B4GALNT3: variants seen among roughly 807,000 people sequenced by gnomAD.
B4GALNT3 encodes beta-1,4-N-acetylgalactosaminyltransferase 3.
Under a neutral mutation model 120.2 loss-of-function variants are expected in B4GALNT3, and 86 were observed. That is an observed-to-expected ratio of 0.72 (90% CI 0.60 to 0.86). The LOEUF (loss-of-function observed/expected upper bound fraction) is 0.86, where lower values mean the gene tolerates loss of function less well. B4GALNT3 is among the 40% of genes least tolerant of loss of function. The probability of loss-of-function intolerance (pLI) is 0.00; values close to 1 mark genes in which losing one functional copy is unlikely to be tolerated. For synonymous variants in B4GALNT3, 518 were observed against 510.4 expected (o/e 1.01, Z -0.20); for missense variants, 1,167 against 1,298.9 (o/e 0.90, Z 1.56).
At chr12:546,583 ACCG>A (rs1378835515) in intron 6 of B4GALNT3, 60 bp from the exon 7 acceptor site, 1 of 1,448,932 alleles carries the variant, frequency 6.9e-7, no homozygotes, top group Non-Finnish European at 9.5e-7. Flanking sequence ...TCTCGCACTC[ACCG>A]CCTCGCGTGC....
Position 488,894 on chromosome 12 carries a change from A to G in B4GALNT3, c.169+28349A>G, listed in dbSNP as rs1479896818. The stretch of plus-strand genomic sequence containing the variant: ...GTTGTAAACTCTAGGGCTCCACTGG[A>G]AAAAAAAAAAAGTATAACTGATATG... On this transcript the variant is annotated intron_variant, in intron 1 of 19. Transcript: ENST00000266383. Among the ~76,000 whole-genome samples the G allele has an allele frequency of 4.0e-5, 4 of 99,366 alleles. No individual in the cohort carries two copies. In the East Asian group the frequency reaches 6.0e-4, roughly 15 times the overall value. 65.2% of individuals were successfully genotyped at this position (99,366 alleles called of 152,430 possible).
At chr12:514,412 T>A (rs1303450186) in intron 1 of B4GALNT3, among the ~76,000 whole-genome samples, 3 of 151,710 alleles carry the variant, frequency 2.0e-5, no homozygotes, top group African/African-American at 7.3e-5. Flanking sequence ...TTAGCCAGGA[T>A]GGTCTCGATC....
chr12:536,625 G>C (rs1373950687), intron 3 of B4GALNT3, among the ~76,000 whole-genome samples: 1 of 152,196 alleles, frequency 6.6e-6, no homozygotes, highest in African/African-American at 2.4e-5. Flanking sequence ...TGGGATTACA[G>C]GTGGGCATTA....
In B4GALNT3 at chr12:559,388, G is replaced by A. The variant is rs199510861; in HGVS notation, c.2855G>A (p.Arg952His). The change falls in exon 19 of 20, where the codon CGC (arginine) becomes CAC (histidine). Residue 952 changes from arginine to histidine, a missense_variant. Transcript: ENST00000266383. ...GGMNTKEFRD[R>H]WGGEDWELLD... The stretch of plus-strand genomic sequence containing the variant: ...ATGAACACCAAGGAGTTCCGAGACC[G>A]CTGGGGCGGGGAAGACTGGGAGCTG... 2.9e-5 allele frequency: 46 copies of A among 1,613,956 alleles called. No individual in the cohort carries two copies. The highest frequency in any genetic ancestry group is 3.3e-5 in the South Asian group (3 of 91,072).
In B4GALNT3 at chr12:536,105, C is replaced by T. The variant is rs1946856042; in HGVS notation, c.274-113C>T. 7.8e-6 allele frequency: 6 copies of T among 769,014 alleles called. 1 individual carries two copies. Among genetic ancestry groups the T allele is most frequent in the East Asian group, 7.5e-5 (3 of 40,164 alleles). The allele number at this position is 769,014 out of a possible 1,614,324, so 47.6% of individuals were successfully genotyped here. A position where few individuals can be genotyped will look rare whatever the true frequency, so the allele number is the denominator to read the frequency against. On this transcript the variant is annotated intron_variant, in intron 2 of 19. Transcript: ENST00000266383. The stretch of plus-strand genomic sequence containing the variant: ...CCCAGGACATGGTGTGAATGACAGA[C>T]GGCAGCGTGCTCCGAGCCGACGCCT...
rs142310404 is a variant in B4GALNT3 at position 521,142 on chromosome 12, G to A, written c.170-14024G>A. Among the ~76,000 whole-genome samples, 429 of 152,156 alleles carry A rather than the reference G, an allele frequency of 2.8e-3. 5 individuals are homozygous for A. The highest frequency in any genetic ancestry group is 9.8e-3 in the African/African-American group (405 of 41,498). ...TTTCACAGGGAAGATTCAGAACATCGCCCTCTCCCCACCCCTGAGTCTAAT... is the reference window on the plus strand; with the variant it reads ...TTTCACAGGGAAGATTCAGAACATCACCCTCTCCCCACCCCTGAGTCTAAT... On this transcript the variant is annotated intron_variant, in intron 1 of 19. Coordinates refer to ENST00000266383, the MANE Select transcript of B4GALNT3 (RefSeq NM_173593.4).
chr12:550,981 A>C lies in B4GALNT3; in HGVS notation c.1057A>C (p.Ser353Arg). 3 of 1,614,070 alleles carry C rather than the reference A, an allele frequency of 1.9e-6. No individual in the cohort carries two copies. The highest frequency in any genetic ancestry group is 4.5e-5 in the East Asian group (2 of 44,884). Residue 353 changes from serine to arginine, a missense_variant, in exon 11 of 20, where the codon AGC (serine) becomes CGC (arginine). Coordinates refer to ENST00000266383, the MANE Select transcript of B4GALNT3 (RefSeq NM_173593.4). The surrounding 1 kb of genome is among the most constrained non-coding windows in gnomAD (Gnocchi z 4.1). ...CCTGCCTGACTGTCCCTACAAACCC[A>C]GCTATCTGGTGGATGGGCTTCCTCT... The part of the protein sequence containing the change: ...HVLPDCPYKP[S>R]YLVDGLPLQR...
At chr12:549,940 C>G in intron 10 of B4GALNT3, 28 bp downstream of exon 10, 1 of 1,582,432 alleles carries the variant, frequency 6.3e-7, no homozygotes, top group Non-Finnish European at 8.6e-7. Context: ...GCTTGGCGTC[C>G]TTTCTGGGGA....
At position 544,289 on chromosome 12, in the gene B4GALNT3, C is replaced by T. The variant is rs1477422322; in HGVS notation, c.352-50C>T. On this transcript the variant is annotated intron_variant, in intron 3 of 19. Transcript: ENST00000266383. ...TCCCCCTGGAGCTGAGGATCTGGGG[C>T]GGGCATGGGGTGCTCACGCTCACTC... is the stretch of plus-strand genomic sequence containing the variant. 3.5e-5 allele frequency: 55 copies of T among 1,556,282 alleles called. 1 individual carries two copies. The East Asian group carries it at 4.7e-4, about 13-fold the overall frequency.
At chr12:561,167 C>G (rs1027870834) in intron 19 of B4GALNT3, among the ~76,000 whole-genome samples, 176 bp from the exon 20 acceptor site, 1 of 152,238 alleles carries the variant, frequency 6.6e-6, no homozygotes, top group African/African-American at 2.4e-5. Flanking sequence ...GTGACATACC[C>G]AGTCATGCAG....
At chr12:481,324 T>C (rs914322365) in intron 1 of B4GALNT3, among the ~76,000 whole-genome samples, 1 of 152,230 alleles carries the variant, frequency 6.6e-6, no homozygotes, top group African/African-American at 2.4e-5. Context: ...GTTGAAAAGC[T>C]AGCACATCAA....
In B4GALNT3 at chr12:545,366, C is replaced by T; in HGVS notation, c.539-3C>T. 1 of 1,609,174 alleles carries T rather than the reference C, an allele frequency of 6.2e-7. No individual in the cohort carries two copies. The highest frequency in any genetic ancestry group is 8.5e-7 in the Non-Finnish European group (1 of 1,178,434). The stretch of plus-strand genomic sequence containing the variant: ...TCATCTGGAAACTCTCCCCGCTGCC[C>T]AGGGAAAATCCAGTTTGCCATTGCT... On this transcript the variant is annotated splice_polypyrimidine_tract_variant and splice_region_variant and intron_variant, in intron 5 of 19. Coordinates refer to ENST00000266383, the MANE Select transcript of B4GALNT3 (RefSeq NM_173593.4).
At chr12:508,107 A>C (rs1946515386) in intron 1 of B4GALNT3, among the ~76,000 whole-genome samples, 1 of 152,252 alleles carries the variant, frequency 6.6e-6, no homozygotes. Context: ...TCCCACAGCC[A>C]GTGGAGACAG....
intron 1 of B4GALNT3, among the ~76,000 whole-genome samples, chr12:486,148 T>C (rs1471722806): frequency 6.6e-6 from 1 of 151,830 alleles, no homozygotes; most frequent in Non-Finnish European, 1.5e-5. Context: ...AAAAATCCCC[T>C]TCTACTTCCA....
At chr12:515,933 C>T (rs769905233) in intron 1 of B4GALNT3, among the ~76,000 whole-genome samples, 7 of 152,054 alleles carry the variant, frequency 4.6e-5, no homozygotes, top group Non-Finnish European at 8.8e-5. Context: ...GTCAGGAGAT[C>T]GAGACCATCC....
In B4GALNT3 at chr12:552,493, T is replaced by C. The variant is rs773040106; in HGVS notation, c.1235T>C (p.Ile412Thr). 3.1e-6 allele frequency: 5 copies of C among 1,613,898 alleles called. No individual in the cohort carries two copies. The highest frequency in any genetic ancestry group is 1.7e-5 in the Admixed American group (1 of 60,028). ...DRFSFQEYIK[I>T]DQPEKQGLEQ... ...TTCAGCTTTCAGGAGTACATCAAGA[T>C]TGACCAGCCTGAGAAGCAGGGGCTG... is the stretch of plus-strand genomic sequence containing the variant. Residue 412 changes from isoleucine to threonine, a missense_variant, in exon 13 of 20, where the codon ATT (isoleucine) becomes ACT (threonine). Around this residue, in one of 3 missense-constraint regions of B4GALNT3, gnomAD observed 983 missense variants for 1,102.5 expected, o/e 0.89. Coordinates refer to ENST00000266383, the MANE Select transcript of B4GALNT3 (RefSeq NM_173593.4).
intron 7 of B4GALNT3, 200 bp downstream of exon 7, chr12:546,913 AAGGCCGTGACTTATT>A: frequency 1.7e-6 from 1 of 598,526 alleles, no homozygotes; most frequent in Non-Finnish European, 3.0e-6. Context: ...TGAGGCCCAG[AAGGCCGTGACTTATT>A]GCAGGTCACG....
At chr12:539,830 G>A (rs559866178) in intron 3 of B4GALNT3, among the ~76,000 whole-genome samples, 28 of 152,342 alleles carry the variant, frequency 1.8e-4, no homozygotes, top group Non-Finnish European at 2.1e-4. Flanking sequence ...AGGATTGCTT[G>A]AGGCCAGGAG....
At position 501,348 on chromosome 12, in the gene B4GALNT3, T is replaced by A. The variant is rs181717255; in HGVS notation, c.170-33818T>A. On this transcript the variant is annotated intron_variant, in intron 1 of 19. Coordinates refer to ENST00000266383, the MANE Select transcript of B4GALNT3 (RefSeq NM_173593.4). Reference sequence around the variant, plus strand: ...AAGTGTGTAACTGAGATAAGGCTACTGTTATTATTCTACACTCTAAACAGG... The same window carrying A: ...AAGTGTGTAACTGAGATAAGGCTACAGTTATTATTCTACACTCTAAACAGG... Among the ~76,000 whole-genome samples the A allele has an allele frequency of 3.3e-5, 5 of 152,326 alleles. No individual in the cohort carries two copies. The East Asian group carries it at 9.6e-4, about 29-fold the overall frequency.
Sources: allele counts gnomAD v4.1 joint callset (sites outside exome capture counted in the v4.1 genomes callset), GRCh38; gene constraint gnomAD v4.1.1; regional missense constraint gnomAD v4.1.1; non-coding constraint Gnocchi (gnomAD v3.1); transcripts MANE v1.5; gene names NCBI Gene and HGNC (gene_info 2026-07-23, HGNC 2026-07-21).